Variants in TNRC6B observed in about 807,000 individuals in gnomAD.
The protein encoded by TNRC6B is trinucleotide repeat-containing gene 6B protein.
In TNRC6B, 52 loss-of-function variants were observed where a neutral mutation model predicts 203.6. The ratio of observed to expected loss-of-function variants is 0.26; its 90% CI spans 0.20 to 0.32. The LOEUF (loss-of-function observed/expected upper bound fraction) is 0.32. Ranked by LOEUF, TNRC6B falls within the 10% of genes least tolerant of loss-of-function variation. The pLI, the probability that TNRC6B is intolerant of heterozygous loss-of-function variation, is 1.00. For missense variants in TNRC6B, 1,923 were observed against 2,286.2 expected, an observed-to-expected ratio of 0.84 and a Z score of 3.24; for synonymous variants, 838 against 845.7, an observed-to-expected ratio of 0.99 and a Z score of 0.16.
At chr22:40,111,094 G>A (rs573480534) in intron 1 of TNRC6B, among the ~76,000 whole-genome samples, 106 of 152,304 alleles carry the variant, frequency 7.0e-4, no homozygotes, top group Middle Eastern at 3.4e-3. Context: ...TCACCTGTGA[G>A]AAGAGGGAGT....
chr22:40,269,239 G>A (rs1424737726), intron 5 of TNRC6B, among the ~76,000 whole-genome samples: 1 of 140,216 alleles, frequency 7.1e-6, no homozygotes, highest in Non-Finnish European at 1.5e-5. Flanking sequence ...GTTCAAGTGA[G>A]CCTCCTTCTC....
intron 12 of TNRC6B, among the ~76,000 whole-genome samples, chr22:40,294,334 C>T (rs926530964): frequency 6.6e-5 from 10 of 152,120 alleles, no homozygotes; most frequent in African/African-American, 2.4e-4. Context: ...CTGAAATCAC[C>T]ACTGTCTGCC....
intron 3 of TNRC6B, among the ~76,000 whole-genome samples, chr22:40,260,201 C>CT (rs5845452): frequency 0.34 from 50,442 of 146,532 alleles, 8,522 homozygotes; most frequent in Admixed American, 0.43. Flanking sequence ...GGAAGAAACA[C>CT]TTTTTTTTTT....
intron 4 of TNRC6B, among the ~76,000 whole-genome samples, chr22:40,165,959 G>A (rs6001818): frequency 6.6e-6 from 1 of 151,882 alleles, no homozygotes; most frequent in East Asian, 1.9e-4. Flanking sequence ...TTATTGGGTG[G>A]TTTTTTTTGT....
At chr22:40,074,252 A>AG (rs55953730) in intron 1 of TNRC6B, among the ~76,000 whole-genome samples, 8 of 150,894 alleles carry the variant, frequency 5.3e-5, no homozygotes, top group Non-Finnish European at 1.2e-4. Flanking sequence ...AAAAAAAAAA[A>AG]GAAAAGAAAA....
chr22:40,300,790 C>G, intron 13 of TNRC6B, 120 bp from the exon 14 acceptor site: 1 of 1,216,924 alleles, frequency 8.2e-7, no homozygotes, highest in South Asian at 1.5e-5. Context: ...TTTGGTGTTA[C>G]TTCCCTCCTG....
intron 1 of TNRC6B, among the ~76,000 whole-genome samples, chr22:40,096,733 T>A (rs1189540315): frequency 1.3e-5 from 2 of 152,232 alleles, no homozygotes; most frequent in Admixed American, 1.3e-4. Flanking sequence ...TTAATATTTA[T>A]TAGCCAGAAA....
At chr22:40,135,501 A>G (rs1027965608) in intron 3 of TNRC6B, among the ~76,000 whole-genome samples, 1 of 151,618 alleles carries the variant, frequency 6.6e-6, no homozygotes. Flanking sequence ...GAAGTAGCAA[A>G]TTTTTTTTTG....
chr22:40,210,198 G>C (rs1415164490), intron 1 of TNRC6B, among the ~76,000 whole-genome samples: 1 of 151,918 alleles, frequency 6.6e-6, no homozygotes, highest in African/African-American at 2.4e-5. Flanking sequence ...CACCTGAAAG[G>C]GTTTAACTAT....
chr22:40,097,848 C>T (rs895314845), intron 1 of TNRC6B, among the ~76,000 whole-genome samples: 1 of 151,802 alleles, frequency 6.6e-6, no homozygotes, highest in Non-Finnish European at 1.5e-5. Context: ...AATGGCGTAT[C>T]TTATTTACTT....
chr22:40,162,055 G>A (rs140868189), intron 4 of TNRC6B, among the ~76,000 whole-genome samples: 53 of 152,232 alleles, frequency 3.5e-4, no homozygotes, highest in South Asian at 2.3e-3. Context: ...TGGTCTAAAG[G>A]TTTGTGGGAA....
intron 3 of TNRC6B, among the ~76,000 whole-genome samples, chr22:40,131,053 G>A (rs916597476): frequency 4.0e-5 from 6 of 151,544 alleles, no homozygotes; most frequent in Admixed American, 2.6e-4. Context: ...ACAGGCGCCT[G>A]CCGCCACGCC....
intron 1 of TNRC6B, among the ~76,000 whole-genome samples, chr22:40,213,494 G>A (rs571813109): frequency 1.3e-5 from 2 of 152,182 alleles, no homozygotes; most frequent in African/African-American, 2.4e-5. Flanking sequence ...ATCCAGTCAC[G>A]GGAAGCCACT....
chr22:40,321,073 A>G lies in TNRC6B; in HGVS notation c.4975-17A>G, dbSNP rs770678462. ...CCCACCTCCAGTCTTTATCTCATGA[A>G]TGTCATTACTCCTTAGATTGATGGG... On this transcript the variant is annotated splice_polypyrimidine_tract_variant and intron_variant, in intron 21 of 22. Coordinates refer to ENST00000454349, the MANE Select transcript of TNRC6B (RefSeq NM_001162501.2). The G allele has an allele frequency of 1.1e-5, 17 of 1,613,084 alleles. No homozygotes were observed. Among genetic ancestry groups the G allele is most frequent in the Non-Finnish European group, 1.4e-5 (16 of 1,179,324 alleles).
chr22:40,242,525 G>C (rs2070045408), intron 1 of TNRC6B, among the ~76,000 whole-genome samples: 1 of 151,838 alleles, frequency 6.6e-6, no homozygotes, highest in African/African-American at 2.4e-5. Flanking sequence ...CCGCCTCCCA[G>C]GTTCAAGCGA....
Position 40,265,175 on chromosome 22 carries a change from C to T in TNRC6B, c.945C>T (p.Val315=), listed in dbSNP as rs1244969198. The T allele has an allele frequency of 1.2e-6, 2 of 1,613,876 alleles. No individual in the cohort carries two copies. Among genetic ancestry groups the T allele is most frequent in the Non-Finnish European group, 1.7e-6 (2 of 1,179,878 alleles). Residue 315 remains valine, a synonymous_variant, in exon 5 of 23, where the codon GTC becomes GTT. Coordinates refer to ENST00000454349, the MANE Select transcript of TNRC6B (RefSeq NM_001162501.2). The stretch of plus-strand genomic sequence containing the variant: ...ACCCATCTGCCTGGCCAGCACTGGT[C>T]CAAGAAGGAACTTCTAGGAAAGGGG... The part of the protein sequence containing the change: ...NSNPSAWPAL[V]QEGTSRKGAL...
At chr22:40,296,362 C>T (rs1286315633) in intron 12 of TNRC6B, among the ~76,000 whole-genome samples, 10 of 127,464 alleles carry the variant, frequency 7.8e-5, no homozygotes, top group South Asian at 4.8e-4. Flanking sequence ...GACAGAGTTT[C>T]GCTCTGTCGC....
At chr22:40,174,841 A>T (rs868281379), upstream of TNRC6B, among the ~76,000 whole-genome samples, 5 of 151,662 alleles carry the variant, frequency 3.3e-5, no homozygotes, top group Admixed American at 1.3e-4. Context: ...AAAAAAAAAA[A>T]TTTATTTCTT....
chr22:40,110,245 A>G (rs1002650186), intron 1 of TNRC6B, among the ~76,000 whole-genome samples: 5 of 152,254 alleles, frequency 3.3e-5, no homozygotes, highest in African/African-American at 1.2e-4. Flanking sequence ...ATAATATGGA[A>G]TGATTAAGTC....
Sources: allele counts gnomAD v4.1 joint callset (sites outside exome capture counted in the v4.1 genomes callset), GRCh38; gene constraint gnomAD v4.1.1; transcripts MANE v1.5; gene names NCBI Gene and HGNC (gene_info 2026-07-23, HGNC 2026-07-21).